Variants in ANKRD45 observed in about 807,000 individuals in gnomAD.
ANKRD45 encodes ankyrin repeat domain 45, also known as ankyrin repeat domain-containing protein 45.
A neutral mutation model predicts 28.1 loss-of-function variants in ANKRD45; 21 were observed. That is an observed-to-expected ratio of 0.75 (90% CI 0.53 to 1.08). ANKRD45 has a LOEUF of 1.08. ANKRD45 is among the 50% of genes least tolerant of loss of function. ANKRD45 has a pLI of 0.00. For missense variants in ANKRD45, 261 were observed against 308.7 expected, an observed-to-expected ratio of 0.85 and a Z score of 1.16; for synonymous variants, 86 against 103.9, an observed-to-expected ratio of 0.83 and a Z score of 1.05.
At chr1:173,652,918 T>C (rs1247630918) in intron 2 of ANKRD45, among the ~76,000 whole-genome samples, 1 of 152,256 alleles carries the variant, frequency 6.6e-6, no homozygotes, top group Admixed American at 6.5e-5. Context: ...TGGTAGTTTG[T>C]ATTTCTGTGG....
At chr1:173,713,319 C>T in the ANKRD45 span, among the ~76,000 whole-genome samples, 1 of 152,158 alleles carries the variant, frequency 6.6e-6, no homozygotes, top group Non-Finnish European at 1.5e-5. Flanking sequence ...AGCCAAACCC[C>T]ATCTTGCCTT....
intron 3 of ANKRD45, among the ~76,000 whole-genome samples, chr1:173,641,744 C>CT (rs1668710649): frequency 1.3e-5 from 2 of 152,090 alleles, no homozygotes; most frequent in South Asian, 4.1e-4. Context: ...TCCTTTGATC[C>CT]TCAGGTTTAC....
At chr1:173,655,156 G>A (rs1669441903) in intron 2 of ANKRD45, among the ~76,000 whole-genome samples, 1 of 152,126 alleles carries the variant, frequency 6.6e-6, no homozygotes, top group South Asian at 2.1e-4. Context: ...GAAGAGCTGT[G>A]ATCCTTTGGA....
At chr1:173,688,913 GAAACTA>G in the ANKRD45 span, among the ~76,000 whole-genome samples, 1 of 151,744 alleles carries the variant, frequency 6.6e-6, no homozygotes, top group African/African-American at 2.4e-5. Flanking sequence ...TTTTACCTCG[GAAACTA>G]AAAGTTCCTC....
At chr1:173,611,602 CACACACACACACACACACAA>C (rs1188073310) in intron 5 of ANKRD45, among the ~76,000 whole-genome samples, 3 of 148,466 alleles carry the variant, frequency 2.0e-5, no homozygotes, top group Non-Finnish European at 3.0e-5. Flanking sequence ...CACACACACA[CACACACACACACACACACAA>C]TAAAAATATA....
At position 173,609,919 on chromosome 1, in the gene ANKRD45, TC is replaced by T. The variant is rs1328592037; in HGVS notation, c.*225del. ...ACGAATGATTTATACCCAAGTGCTT[TC>T]CTGAAGGAGCACGTGAAACTCACAT... On this transcript the variant is annotated 3_prime_UTR_variant, in exon 6 of 6. Coordinates refer to ENST00000333279, the MANE Select transcript of ANKRD45 (RefSeq NM_198493.3). 6 of 519,618 alleles carry T rather than the reference TC, an allele frequency of 1.2e-5. No homozygotes were observed. The highest frequency in any genetic ancestry group is 2.0e-5 in the Non-Finnish European group (6 of 294,564). The allele number at this position is 519,618 out of a possible 1,614,324, so 32.2% of individuals were successfully genotyped here.
At chr1:173,629,932 A>C (rs950917286) in intron 3 of ANKRD45, among the ~76,000 whole-genome samples, 2 of 152,182 alleles carry the variant, frequency 1.3e-5, no homozygotes, top group Non-Finnish European at 2.9e-5. Context: ...AGAAACCAAT[A>C]ACATATAACG....
At chr1:173,671,716 C>T (rs60096224), upstream of ANKRD45, among the ~76,000 whole-genome samples, 1 of 128,792 alleles carries the variant, frequency 7.8e-6, no homozygotes, top group Non-Finnish European at 1.7e-5. Flanking sequence ...TAAAAAATAC[C>T]AAAAAAAAAA....
the ANKRD45 span, among the ~76,000 whole-genome samples, chr1:173,708,187 ACT>A: frequency 6.6e-6 from 1 of 151,636 alleles, no homozygotes; most frequent in East Asian, 1.9e-4. Context: ...TTCTGTAAAA[ACT>A]CTGATGTTGA....
At chr1:173,705,539 C>A in the ANKRD45 span, among the ~76,000 whole-genome samples, 1 of 150,066 alleles carries the variant, frequency 6.7e-6, no homozygotes, top group African/African-American at 2.4e-5. Context: ...TGGTGGCATG[C>A]GCCCGTAGTC....
At chr1:173,669,238 C>A (rs1670149824) in intron 1 of ANKRD45, among the ~76,000 whole-genome samples, 1 of 151,940 alleles carries the variant, frequency 6.6e-6, no homozygotes. Context: ...AGAGGTGAAA[C>A]CTCGATAGTG....
chr1:173,609,895 C>T lies in ANKRD45; in HGVS notation c.*250G>A, dbSNP rs12065033. On this transcript the variant is annotated 3_prime_UTR_variant, in exon 6 of 6. Coordinates refer to ENST00000333279, the MANE Select transcript of ANKRD45 (RefSeq NM_198493.3). The stretch of plus-strand genomic sequence containing the variant: ...TCTTAAAGCCTCCACATGGTCTTCA[C>T]GAATGATTTATACCCAAGTGCTTTC... 34,452 of 433,102 alleles carry T rather than the reference C, an allele frequency of 0.08. 9,899 individuals are homozygous for T. The highest frequency in any genetic ancestry group is 0.62 in the African/African-American group (30,655 of 49,262). 26.8% of individuals were successfully genotyped at this position (433,102 alleles called of 1,614,324 possible).
intron 5 of ANKRD45, among the ~76,000 whole-genome samples, chr1:173,623,761 A>G (rs1459769500): frequency 1.3e-5 from 2 of 152,180 alleles, no homozygotes; most frequent in Non-Finnish European, 2.9e-5. Context: ...CATATATACC[A>G]TGGAATACTA....
the ANKRD45 span, among the ~76,000 whole-genome samples, chr1:173,686,332 T>C: frequency 6.6e-6 from 1 of 152,212 alleles, no homozygotes; most frequent in Non-Finnish European, 1.5e-5. Context: ...AAATTTTTCT[T>C]AGCTTTAGTT....
the ANKRD45 span, among the ~76,000 whole-genome samples, chr1:173,675,071 G>A: frequency 1.4e-4 from 22 of 152,050 alleles, no homozygotes; most frequent in African/African-American, 2.7e-4. Flanking sequence ...ACAAAAGAAC[G>A]ATCCTGGAAA....
At chr1:173,629,770 A>T (rs1405545639) in intron 3 of ANKRD45, among the ~76,000 whole-genome samples, 1 of 152,112 alleles carries the variant, frequency 6.6e-6, no homozygotes, top group Non-Finnish European at 1.5e-5. Flanking sequence ...TTAAAAAAAG[A>T]ACTTCCCAAA....
At chr1:173,673,912 T>C (rs144150643), upstream of ANKRD45, among the ~76,000 whole-genome samples, 22 of 152,368 alleles carry the variant, frequency 1.4e-4, 1 homozygote, top group African/African-American at 5.0e-4. Context: ...GTAGCTAATC[T>C]CTACAGTTGA....
At chr1:173,691,732 A>G in the ANKRD45 span, among the ~76,000 whole-genome samples, 1 of 152,208 alleles carries the variant, frequency 6.6e-6, no homozygotes, top group Non-Finnish European at 1.5e-5. Context: ...GCTTGCAGTG[A>G]GCTGAGATCA....
chr1:173,710,385 G>A, the ANKRD45 span, among the ~76,000 whole-genome samples: 1 of 152,170 alleles, frequency 6.6e-6, no homozygotes, highest in Non-Finnish European at 1.5e-5. Flanking sequence ...TGTGGAACAG[G>A]TCCAAGCAGG....
Sources: allele counts gnomAD v4.1 joint callset (sites outside exome capture counted in the v4.1 genomes callset), GRCh38; gene constraint gnomAD v4.1.1; transcripts MANE v1.5; gene names NCBI Gene and HGNC (gene_info 2026-07-23, HGNC 2026-07-21).